Variants in DNER observed in about 807,000 individuals in gnomAD.
The protein encoded by DNER is delta/notch like EGF repeat containing.
A neutral mutation model predicts 78.2 loss-of-function variants in DNER; 33 were observed. The observed-to-expected ratio is 0.42, with a 90% confidence interval of 0.32 to 0.56. The LOEUF (loss-of-function observed/expected upper bound fraction) is 0.56, where lower values mean the gene tolerates loss of function less well. Ranked by LOEUF, DNER falls within the 20% of genes least tolerant of loss-of-function variation. DNER has a pLI of 0.11. For synonymous variants in DNER, 417 were observed against 384.8 expected, an observed-to-expected ratio of 1.08 and a Z score of -0.98; for missense variants, 918 against 975.3, an observed-to-expected ratio of 0.94 and a Z score of 0.78.
chr2:229,702,071 G>A (rs918809869), intron 1 of DNER: 3 of 177,406 alleles, frequency 1.7e-5, no homozygotes, highest in Admixed American at 5.8e-5. Flanking sequence ...GAGCTGCAGT[G>A]CTTAACCATG....
chr2:229,418,185 G>A lies in DNER; in HGVS notation c.1532C>T (p.Ser511Phe). The change falls in exon 9 of 13, where the codon TCC becomes TTC. Residue 511 changes from serine to phenylalanine, a missense_variant. By Grantham distance (155) the Ser-to-Phe change is radical. Transcript: ENST00000341772. ...GGTGGCTGCATTCAGGCATGGAGCG[G>A]AGAGGCACTCATTATATTCCTCCTC... ...YCEEEYNECL[S>F]APCLNAATCR... is the part of the protein sequence containing the mutation. 1 of 1,614,138 alleles carries A rather than the reference G, an allele frequency of 6.2e-7. No homozygotes were observed. Among genetic ancestry groups the A allele is most frequent in the Non-Finnish European group, 8.5e-7 (1 of 1,180,004 alleles).
chr2:229,555,258 A>G (rs1365902323), intron 4 of DNER, among the ~76,000 whole-genome samples: 1 of 152,160 alleles, frequency 6.6e-6, no homozygotes, highest in African/African-American at 2.4e-5. Flanking sequence ...AAGTAAGGAA[A>G]TTAACAATTT....
At chr2:229,372,666 T>C (rs918551089) in intron 11 of DNER, among the ~76,000 whole-genome samples, 1 of 152,154 alleles carries the variant, frequency 6.6e-6, no homozygotes, top group Non-Finnish European at 1.5e-5. Flanking sequence ...GTGTTCCAAT[T>C]TGCACTTTGA....
At chr2:229,433,778 A>G (rs1398021380) in intron 8 of DNER, among the ~76,000 whole-genome samples, 2 of 152,218 alleles carry the variant, frequency 1.3e-5, no homozygotes, top group Non-Finnish European at 2.9e-5. Flanking sequence ...TAAAAATAAT[A>G]TTATAGTTTT....
intron 1 of DNER, among the ~76,000 whole-genome samples, chr2:229,702,916 CAAA>C (rs775005338): frequency 3.8e-5 from 4 of 103,916 alleles, no homozygotes; most frequent in African/African-American, 1.2e-4. Context: ...GACTCCGCCT[CAAA>C]AAAAAAAAAA....
chr2:229,364,960 C>T (rs1692311370), intron 12 of DNER, among the ~76,000 whole-genome samples: 1 of 150,078 alleles, frequency 6.7e-6, no homozygotes, highest in East Asian at 2.0e-4. Context: ...AAGTGATTCT[C>T]CTGCCTCAGC....
chr2:229,681,827 A>AACACACACACACACAC (rs72248647), intron 1 of DNER, among the ~76,000 whole-genome samples: 9 of 144,348 alleles, frequency 6.2e-5, no homozygotes, highest in Non-Finnish European at 1.2e-4. Context: ...CTCTGCCTAA[A>AACACACACACACACAC]ACACACACAC....
intron 7 of DNER, among the ~76,000 whole-genome samples, chr2:229,460,829 C>T (rs1367796470): frequency 6.6e-6 from 1 of 151,458 alleles, no homozygotes; most frequent in Non-Finnish European, 1.5e-5. Flanking sequence ...TCAAATGTTA[C>T]AAACATAGTT....
At chr2:229,503,074 T>G (rs1695654040) in intron 6 of DNER, among the ~76,000 whole-genome samples, 1 of 152,216 alleles carries the variant, frequency 6.6e-6, no homozygotes. Flanking sequence ...ACAATGGTCC[T>G]TGTACTAGGG....
At chr2:229,603,400 C>G (rs888107115) in intron 1 of DNER, among the ~76,000 whole-genome samples, 9 of 152,038 alleles carry the variant, frequency 5.9e-5, no homozygotes, top group African/African-American at 2.2e-4. Flanking sequence ...TACCCTAAAA[C>G]TTAAAGTATA....
intron 1 of DNER, among the ~76,000 whole-genome samples, chr2:229,700,097 A>G (rs1182883340): frequency 6.6e-6 from 1 of 152,130 alleles, no homozygotes; most frequent in Non-Finnish European, 1.5e-5. Context: ...TCCCTCATTC[A>G]TAATTTTTTA....
chr2:229,522,452 A>T (rs780060680), intron 5 of DNER, among the ~76,000 whole-genome samples: 14 of 152,240 alleles, frequency 9.2e-5, no homozygotes, highest in Non-Finnish European at 1.2e-4. Context: ...TAACAAAAGT[A>T]AAGTTTGACT....
chr2:229,551,631 T>C (rs963206631), intron 4 of DNER, among the ~76,000 whole-genome samples: 1 of 148,454 alleles, frequency 6.7e-6, no homozygotes, highest in Non-Finnish European at 1.5e-5. Flanking sequence ...TGAAACCCCG[T>C]TTAAAAAAAA....
chr2:229,568,431 C>T (rs989342454), intron 4 of DNER, among the ~76,000 whole-genome samples: 86 of 152,224 alleles, frequency 5.6e-4, no homozygotes, highest in African/African-American at 1.9e-3. Context: ...GACCTGACTC[C>T]GCAGTAGGAA....
Position 229,714,190 on chromosome 2 carries a change from G to A in DNER, c.234C>T (p.Tyr78=). Residue 78 remains tyrosine (Y), a synonymous_variant, in exon 1 of 13, where the codon TAC becomes TAT. Coordinates refer to ENST00000341772, the MANE Select transcript of DNER (RefSeq NM_139072.4). ...AGATCCCGGCGGGGCAGGTGCAGCT[G>A]TAGCCAGGCTCGCCGGCGGGGGCCG... ...QHPAPAGEPG[Y]SCTCPAGISG... is the part of the protein sequence containing the mutation. 1.5e-6 allele frequency: 2 copies of A among 1,370,432 alleles called. No individual in the cohort carries two copies. The highest frequency in any genetic ancestry group is 3.4e-5 in the South Asian group (2 of 58,466). 84.9% of individuals were successfully genotyped at this position (1,370,432 alleles called of 1,614,324 possible). A position where few individuals can be genotyped will look rare whatever the true frequency, so the allele number is the denominator to read the frequency against.
rs1248801871 is a variant in DNER at position 229,559,697 on chromosome 2, G to T, written c.848-12605C>A. On this transcript the variant is annotated intron_variant, in intron 4 of 12. Coordinates refer to ENST00000341772, the MANE Select transcript of DNER (RefSeq NM_139072.4). ...GGACTTGAGAGGCTCACTTCTATTT[G>T]CTACACAACTGGGAGATTTCCCTAA... Among the ~76,000 whole-genome samples, 4 of 152,196 alleles carry T rather than the reference G, an allele frequency of 2.6e-5. No individual in the cohort carries two copies. The East Asian group carries it at 7.7e-4, about 29-fold the overall frequency.
intron 1 of DNER, among the ~76,000 whole-genome samples, chr2:229,664,484 A>T (rs961492598): frequency 6.6e-6 from 1 of 152,128 alleles, no homozygotes; most frequent in African/African-American, 2.4e-5. Flanking sequence ...CTCTGTATTT[A>T]AAAATAATAA....
rs1262253523 is a variant in DNER at position 229,394,172 on chromosome 2, G to A, written c.1724-5776C>T. 2.0e-5 allele frequency among the ~76,000 whole-genome samples: 3 copies of A among 152,158 alleles called. No individual in the cohort carries two copies. In the East Asian group the frequency reaches 5.8e-4, roughly 29 times the overall value. ...AATGCCTCTAAGGATTCCAGTTTAT[G>A]TACTGTTCCTTGTACAAGAACAGAT... is the stretch of plus-strand genomic sequence containing the variant. On this transcript the variant is annotated intron_variant, in intron 10 of 12. Transcript: ENST00000341772.
At chr2:229,409,411 A>G (rs988169920) in intron 9 of DNER, among the ~76,000 whole-genome samples, 2 of 152,248 alleles carry the variant, frequency 1.3e-5, no homozygotes, top group Non-Finnish European at 2.9e-5. Flanking sequence ...CAAAGAAATC[A>G]AATGATTGTC....
Sources: allele counts gnomAD v4.1 joint callset (sites outside exome capture counted in the v4.1 genomes callset), GRCh38; gene constraint gnomAD v4.1.1; transcripts MANE v1.5; gene names NCBI Gene and HGNC (gene_info 2026-07-23, HGNC 2026-07-21).